Variants in CTNNA2 observed in about 807,000 individuals in gnomAD.
The protein encoded by CTNNA2 is catenin alpha 2, also known as catenin alpha-2.
CTNNA2 carries 42 observed loss-of-function variants against 101.0 expected under a neutral mutation model. The ratio of observed to expected loss-of-function variants is 0.42; its 90% CI spans 0.32 to 0.54. CTNNA2 has a LOEUF of 0.54. Ranked by LOEUF, CTNNA2 falls within the 20% of genes least tolerant of loss-of-function variation. The probability of loss-of-function intolerance (pLI) is 0.14; values close to 1 mark genes in which losing one functional copy is unlikely to be tolerated. For missense variants in CTNNA2, 871 were observed against 1,223.1 expected (o/e 0.71, Z 4.29); for synonymous variants, 450 against 456.4 (o/e 0.99, Z 0.18).
rs574370980 is a variant in CTNNA2, at chr2:80,518,741, A to C, written c.1291-26241A>C. 1.0e-3 allele frequency among the ~76,000 whole-genome samples: 156 copies of C among 152,308 alleles called. 2 individuals carry two copies. The highest frequency in any genetic ancestry group is 3.5e-3 in the South Asian group (17 of 4,832). Reference sequence around the variant, plus strand: ...CTATTTATATGAGTAAATGTGAATTAGTTTTAGGAAAAATTTGATTCCTGA... The same window carrying C: ...CTATTTATATGAGTAAATGTGAATTCGTTTTAGGAAAAATTTGATTCCTGA... On this transcript the variant is annotated intron_variant, in intron 9 of 18. Coordinates refer to ENST00000402739, the MANE Select transcript of CTNNA2 (RefSeq NM_001282597.3).
intron 7 of CTNNA2, among the ~76,000 whole-genome samples, chr2:80,154,252 T>A (rs981835543): frequency 2.1e-5 from 3 of 142,852 alleles, no homozygotes; most frequent in African/African-American, 8.0e-5. Flanking sequence ...CCTGTTGGTA[T>A]TTTAGAAAGA....
At chr2:80,472,693 A>G (rs1407343849) in intron 9 of CTNNA2, among the ~76,000 whole-genome samples, 1 of 152,144 alleles carries the variant, frequency 6.6e-6, no homozygotes, top group Admixed American at 6.5e-5. Flanking sequence ...CTGGGACCCA[A>G]GAAGGCCCAT....
chr2:79,985,049 T>C (rs1479889966), intron 7 of CTNNA2, among the ~76,000 whole-genome samples: 2 of 152,148 alleles, frequency 1.3e-5, no homozygotes, highest in East Asian at 3.9e-4. Context: ...CCAAAAATGT[T>C]TACCTTCTGG....
chr2:79,910,195 AT>A (rs1685688739), intron 7 of CTNNA2, among the ~76,000 whole-genome samples: 1 of 152,188 alleles, frequency 6.6e-6, no homozygotes, highest in South Asian at 2.1e-4. Flanking sequence ...GTAGATGCGA[AT>A]CTTCACCCCT....
At chr2:80,584,906 A>C (rs527590529) in intron 14 of CTNNA2, among the ~76,000 whole-genome samples, 8 of 152,136 alleles carry the variant, frequency 5.3e-5, no homozygotes, top group Middle Eastern at 3.2e-3. Flanking sequence ...CAATCATGAG[A>C]GTTTTTACTT....
chr2:80,534,024 C>T lies in CTNNA2; in HGVS notation c.1291-10958C>T, dbSNP rs567228425. Among the ~76,000 whole-genome samples the T allele has an allele frequency of 1.3e-4, 20 of 152,174 alleles. No individual in the cohort carries two copies. In the South Asian group the frequency reaches 2.5e-3, roughly 19 times the overall value. On this transcript the variant is annotated intron_variant, in intron 9 of 18. Transcript: ENST00000402739. ...TATGCTGAGTGATTCAGCTATGAAG[C>T]GGGCACATCAATTTGTTCATGAATG...
intron 12 of CTNNA2, among the ~76,000 whole-genome samples, chr2:80,565,452 C>T (rs1340147820): frequency 6.6e-6 from 1 of 151,792 alleles, no homozygotes; most frequent in Non-Finnish European, 1.5e-5. Flanking sequence ...GTTTGCAAAA[C>T]AAATTGTACC....
intron 8 of CTNNA2, among the ~76,000 whole-genome samples, chr2:80,418,173 T>A (rs1045770662): frequency 6.6e-6 from 1 of 152,160 alleles, no homozygotes; most frequent in African/African-American, 2.4e-5. Flanking sequence ...CTTCAGACCT[T>A]CTTACCCTAG....
rs537294347 is a variant in CTNNA2, at chr2:79,544,754, A to G, written c.-6+31547A>G. On this transcript the variant is annotated intron_variant, in intron 1 of 18. Transcript: ENST00000402739. ...GAGTTACCCAAGGAAAATGCTTAGC[A>G]GGTATTTAGAGCCCAAGTGGCCTAA... 2.4e-4 allele frequency among the ~76,000 whole-genome samples: 36 copies of G among 152,300 alleles called. 2 individuals carry two copies. Among genetic ancestry groups the G allele is most frequent in the African/African-American group, 8.4e-4 (35 of 41,564 alleles).
At chr2:79,789,224 G>T (rs1468460659) in intron 3 of CTNNA2, among the ~76,000 whole-genome samples, 1 of 152,186 alleles carries the variant, frequency 6.6e-6, no homozygotes, top group East Asian at 1.9e-4. Flanking sequence ...CTTGAAATGA[G>T]ACTTCATGGA....
At chr2:80,041,821 A>C (rs1316483931) in intron 7 of CTNNA2, among the ~76,000 whole-genome samples, 2 of 152,188 alleles carry the variant, frequency 1.3e-5, no homozygotes, top group African/African-American at 4.8e-5. Flanking sequence ...ATGCGGATTT[A>C]AGAGATTAGC....
intron 2 of CTNNA2, among the ~76,000 whole-genome samples, chr2:79,683,711 G>A (rs1355272555): frequency 6.7e-6 from 1 of 150,314 alleles, no homozygotes; most frequent in African/African-American, 2.4e-5. Flanking sequence ...TTTTGAAGTG[G>A]AACTTCACAC....
At chr2:80,619,937 A>G (rs1670936143) in intron 18 of CTNNA2, among the ~76,000 whole-genome samples, 1 of 151,816 alleles carries the variant, frequency 6.6e-6, no homozygotes, top group Non-Finnish European at 1.5e-5. Flanking sequence ...GTTTCTATAT[A>G]TTGCTGATTA....
chr2:79,202,035 A>G (rs1374286270), intron 2 of CTNNA2, among the ~76,000 whole-genome samples: 1 of 152,182 alleles, frequency 6.6e-6, no homozygotes, highest in African/African-American at 2.4e-5. Context: ...TAGATAAGAG[A>G]CAAATGATTG....
At chr2:79,395,384 T>C (rs2902072) in intron 4 of CTNNA2, among the ~76,000 whole-genome samples, 120,148 of 150,950 alleles carry the variant, frequency 0.8, 48,021 homozygotes, top group East Asian at 0.95. Context: ...AATGCTATCC[T>C]TCCACCCTCC....
At chr2:80,210,356 T>C (rs976221446) in intron 7 of CTNNA2, among the ~76,000 whole-genome samples, 1 of 152,106 alleles carries the variant, frequency 6.6e-6, no homozygotes, top group Admixed American at 6.6e-5. Context: ...AATGCTATCC[T>C]TCCCCCCTCC....
At chr2:80,526,082 A>G (rs1172670923) in intron 9 of CTNNA2, among the ~76,000 whole-genome samples, 1 of 152,236 alleles carries the variant, frequency 6.6e-6, no homozygotes, top group Admixed American at 6.5e-5. Flanking sequence ...AATGAGCATC[A>G]TATAGGGATC....
intron 7 of CTNNA2, among the ~76,000 whole-genome samples, chr2:80,093,684 A>C (rs1177171839): frequency 9.0e-6 from 1 of 110,994 alleles, no homozygotes; most frequent in Non-Finnish European, 1.8e-5. Context: ...CTGACTTTTT[A>C]ATGATCGCCA....
intron 2 of CTNNA2, among the ~76,000 whole-genome samples, chr2:79,668,350 AT>A (rs1334875769): frequency 6.7e-6 from 1 of 149,036 alleles, no homozygotes; most frequent in Non-Finnish European, 1.5e-5. Flanking sequence ...AGCCAGGTGG[AT>A]TTTTTGTGAT....
Sources: gnomAD v4.1 joint callset for allele counts (sites outside exome capture counted in the v4.1 genomes callset) on GRCh38, gnomAD v4.1.1 for gene constraint, MANE v1.5 for transcripts, NCBI Gene and HGNC (gene_info 2026-07-23, HGNC 2026-07-21) for gene names.